XPO1: variants seen among roughly 807,000 people sequenced by gnomAD.
XPO1 encodes the protein exportin-1.
XPO1 carries 5 observed loss-of-function variants against 133.3 expected under a neutral mutation model. That is an observed-to-expected ratio of 0.04 (90% CI 0.02 to 0.08). The LOEUF (loss-of-function observed/expected upper bound fraction) is 0.08. Among genes scored for constraint, XPO1 ranks in the 10% least tolerant of loss-of-function variants. The pLI is 1.00. For missense variants in XPO1, 506 were observed against 1,267.5 expected (o/e 0.40, Z 9.12); for synonymous variants, 419 against 408.2 (o/e 1.03, Z -0.32).
At chr2:61,530,289 ACT>A (rs2104815019) in intron 2 of XPO1, among the ~76,000 whole-genome samples, 1 of 152,082 alleles carries the variant, frequency 6.6e-6, no homozygotes, top group African/African-American at 2.4e-5. Flanking sequence ...TTGTAATTTT[ACT>A]CTCTGATGCT....
chr2:61,490,860 G>A, intron 16 of XPO1, 84 bp from the exon 17 acceptor site: 3 of 1,533,640 alleles, frequency 2.0e-6, no homozygotes, highest in Non-Finnish European at 2.6e-6. Flanking sequence ...CAAACGTCTT[G>A]AAACTGATTT....
At chr2:61,506,350 G>C (rs1451763067) in intron 4 of XPO1, among the ~76,000 whole-genome samples, 1 of 152,152 alleles carries the variant, frequency 6.6e-6, no homozygotes, top group African/African-American at 2.4e-5. Flanking sequence ...TTGAACCCAG[G>C]AAATGGACAA....
chr2:61,525,714 CAA>C (rs753335659), intron 3 of XPO1: 1 of 1,027,326 alleles, frequency 9.7e-7, no homozygotes, highest in Non-Finnish European at 1.2e-6. Flanking sequence ...TACAAGATGT[CAA>C]AACTAATTAA....
At chr2:61,485,727 C>T (rs781136152) in intron 20 of XPO1, 41 bp downstream of exon 20, 3 of 1,514,652 alleles carry the variant, frequency 2.0e-6, no homozygotes, top group Non-Finnish European at 2.7e-6. Flanking sequence ...TTAAGGCTAT[C>T]CTGCAGAATT....
chr2:61,523,059 C>G (rs1399634678), intron 3 of XPO1, among the ~76,000 whole-genome samples: 2 of 152,156 alleles, frequency 1.3e-5, no homozygotes, highest in East Asian at 1.9e-4. Context: ...CGAACAGGCT[C>G]CTAAGAATTT....
chr2:61,530,708 C>T (rs2104818448), intron 2 of XPO1, among the ~76,000 whole-genome samples: 1 of 151,688 alleles, frequency 6.6e-6, no homozygotes, highest in East Asian at 1.9e-4. Flanking sequence ...TCTTCCCCTC[C>T]CCCAAGTTAC....
intron 17 of XPO1, among the ~76,000 whole-genome samples, chr2:61,489,647 C>T (rs1404078617): frequency 1.3e-5 from 2 of 150,284 alleles, no homozygotes; most frequent in Non-Finnish European, 3.0e-5. Context: ...CTCTGCCTCC[C>T]AGGTTCACGC....
intron 23 of XPO1, among the ~76,000 whole-genome samples, chr2:61,481,770 T>G (rs1415400026): frequency 6.6e-6 from 1 of 151,256 alleles, no homozygotes; most frequent in Non-Finnish European, 1.5e-5. Context: ...ACAGTCTTGC[T>G]CTGTCACCCA....
rs2104193350 is a variant in XPO1 at position 61,478,859 on chromosome 2, G to A, written c.3177C>T (p.Ile1059=). The change falls in exon 25 of 25, where the codon ATC becomes ATT. Residue 1059 remains isoleucine, a synonymous_variant. Transcript: ENST00000401558. ...CTTCTGGAATCTCATGTGGATTAAA[G>A]ATGCCAGGGACAGACATTTGACGTT... is the stretch of plus-strand genomic sequence containing the variant. The part of the protein sequence containing the change: ...KHKRQMSVPG[I]FNPHEIPEEM... 6.2e-7 allele frequency: 1 copy of A among 1,614,114 alleles called. No homozygotes were observed. The highest frequency in any genetic ancestry group is 8.5e-7 in the Non-Finnish European group (1 of 1,180,020).
intron 11 of XPO1, among the ~76,000 whole-genome samples, chr2:61,495,063 C>T (rs1697180800): frequency 6.6e-6 from 1 of 151,846 alleles, no homozygotes; most frequent in African/African-American, 2.4e-5. Context: ...AGGCTGGTCT[C>T]GAACTCCTGC....
chr2:61,499,666 T>A, intron 7 of XPO1, 47 bp downstream of exon 7: 2 of 1,494,860 alleles, frequency 1.3e-6, no homozygotes, highest in Non-Finnish European at 1.8e-6. Flanking sequence ...CTGCTTGAAA[T>A]TGTTTGAGAA....
At chr2:61,510,087 C>T (rs1257860483) in intron 4 of XPO1, among the ~76,000 whole-genome samples, 3 of 152,042 alleles carry the variant, frequency 2.0e-5, no homozygotes, top group Admixed American at 2.0e-4. Context: ...TGAGACCAGC[C>T]AGGCCAACAT....
intron 1 of XPO1, among the ~76,000 whole-genome samples, chr2:61,537,298 C>G (rs1294847857): frequency 6.6e-6 from 1 of 151,808 alleles, no homozygotes; most frequent in Non-Finnish European, 1.5e-5. Flanking sequence ...ACACTCCTCG[C>G]CTTCCTCCAC....
chr2:61,495,177 T>C (rs1318975431), intron 11 of XPO1, among the ~76,000 whole-genome samples: 1 of 152,132 alleles, frequency 6.6e-6, no homozygotes, highest in East Asian at 1.9e-4. Flanking sequence ...AAAACTGAAA[T>C]TTTAAAATAA....
In XPO1 at chr2:61,482,033, C is replaced by CTTTTTTTTTTTTTTTTTTTTTT. The variant is rs1491506588; in HGVS notation, c.2972+346_2972+347insAAAAAAAAAAAAAAAAAAAAAA. Among the ~76,000 whole-genome samples, 90 of 86,826 alleles carry CTTTTTTTTTTTTTTTTTTTTTT rather than the reference C, an allele frequency of 1.0e-3. 15 individuals are homozygous for CTTTTTTTTTTTTTTTTTTTTTT. The highest frequency in any genetic ancestry group is 8.3e-3 in the Middle Eastern group (1 of 120). The allele number at this position is 86,826 out of a possible 152,430, so 57.0% of individuals were successfully genotyped here. A position where few individuals can be genotyped will look rare whatever the true frequency, so the allele number is the denominator to read the frequency against. ...TACAGTCATGAGCCACCGTGCGTGGCCTTTTTTTTTTTTTTTTTTTTTTTG... is the reference window on the plus strand; with the variant it reads ...TACAGTCATGAGCCACCGTGCGTGGCTTTTTTTTTTTTTTTTTTTTTTCTTTTTTTTTTTTTTTTTTTTTTTG... On this transcript the variant is annotated intron_variant, in intron 23 of 24. Coordinates refer to ENST00000401558, the MANE Select transcript of XPO1 (RefSeq NM_003400.4).
At chr2:61,524,038 C>G (rs533542383) in intron 3 of XPO1, among the ~76,000 whole-genome samples, 1 of 152,246 alleles carries the variant, frequency 6.6e-6, no homozygotes, top group Admixed American at 6.5e-5. Flanking sequence ...TTTATTATGT[C>G]TAGGTCTGAG....
chr2:61,524,436 A>G lies in XPO1; in HGVS notation c.229-1753T>C, dbSNP rs530190502. 9.2e-5 allele frequency among the ~76,000 whole-genome samples: 14 copies of G among 152,318 alleles called. 1 individual carries two copies. The South Asian group carries it at 2.9e-3, about 32-fold the overall frequency. On this transcript the variant is annotated intron_variant, in intron 3 of 24. Transcript: ENST00000401558. The stretch of plus-strand genomic sequence containing the variant: ...TTTTCTACAACTGTATAAAGGTAGC[A>G]TAAGCTTGATGAAGATACAATTCAT...
intron 20 of XPO1, 47 bp downstream of exon 20, chr2:61,485,721 G>A (rs778318396): frequency 1.4e-6 from 2 of 1,479,388 alleles, no homozygotes; most frequent in South Asian, 2.5e-5. Flanking sequence ...CAAGAATTAA[G>A]GCTATCCTGC....
At chr2:61,482,034 C>CTT (rs1195049382) in intron 23 of XPO1, among the ~76,000 whole-genome samples, 94 of 71,350 alleles carry the variant, frequency 1.3e-3, no homozygotes, top group East Asian at 9.7e-3. Context: ...CGTGCGTGGC[C>CTT]TTTTTTTTTT....
Sources: allele counts gnomAD v4.1 joint callset (sites outside exome capture counted in the v4.1 genomes callset), GRCh38; gene constraint gnomAD v4.1.1; transcripts MANE v1.5; gene names NCBI Gene and HGNC (gene_info 2026-07-23, HGNC 2026-07-21).